The following ZFAT variants were observed in gnomAD, a reference collection of about 807,000 sequenced individuals.
ZFAT encodes the protein zinc finger and AT-hook domain containing, also known as zinc finger protein ZFAT.
In ZFAT, 64 loss-of-function variants were observed where a neutral mutation model predicts 117.7. The observed-to-expected ratio is 0.54, with a 90% CI of 0.44 to 0.67. ZFAT has a LOEUF of 0.67. Among genes scored for constraint, ZFAT ranks in the 30% least tolerant of loss-of-function variants. The pLI is 0.00. For missense variants in ZFAT, 1,433 were observed against 1,584.5 expected (o/e 0.90, Z 1.62); for synonymous variants, 679 against 615.0 (o/e 1.10, Z -1.54).
upstream of ZFAT, among the ~76,000 whole-genome samples, chr8:134,716,159 A>ATG (rs765103268): frequency 7.1e-6 from 1 of 140,182 alleles, no homozygotes; most frequent in Non-Finnish European, 1.6e-5. Context: ...ATATATATAT[A>ATG]TGTATATATG....
chr8:134,807,111 T>C, the ZFAT span, among the ~76,000 whole-genome samples: 8 of 152,256 alleles, frequency 5.3e-5, no homozygotes, highest in African/African-American at 1.7e-4. Flanking sequence ...ATTACTGAGC[T>C]ACTGACTGGA....
chr8:134,507,007 A>AT (rs2130334647), intron 15 of ZFAT, among the ~76,000 whole-genome samples: 1 of 152,322 alleles, frequency 6.6e-6, no homozygotes, highest in South Asian at 2.1e-4. Context: ...ATTTCATAAC[A>AT]TTTTTTAAGC....
chr8:134,678,717 CA>C (rs1832923638), intron 1 of ZFAT, among the ~76,000 whole-genome samples: 1 of 152,176 alleles, frequency 6.6e-6, no homozygotes, highest in Non-Finnish European at 1.5e-5. Flanking sequence ...ACCAAAACAG[CA>C]TGTTACTGGT....
At chr8:134,638,887 T>A (rs1237030247) in intron 2 of ZFAT, among the ~76,000 whole-genome samples, 1 of 152,132 alleles carries the variant, frequency 6.6e-6, no homozygotes, top group Non-Finnish European at 1.5e-5. Flanking sequence ...ACATCCCCAA[T>A]GCCAGTCATC....
chr8:134,788,349 A>G, the ZFAT span, among the ~76,000 whole-genome samples: 1 of 152,078 alleles, frequency 6.6e-6, no homozygotes, highest in Non-Finnish European at 1.5e-5. Flanking sequence ...ATATTTTTAA[A>G]TTTGTTTTAT....
At chr8:134,610,785 CG>C (rs1828276382) in intron 3 of ZFAT, 130 bp from the exon 4 acceptor site, 1 of 1,015,000 alleles carries the variant, frequency 9.9e-7, no homozygotes, top group Non-Finnish European at 1.4e-6. Flanking sequence ...ACGCAGACCA[CG>C]GAATCACTGT....
chr8:134,767,961 A>G, the ZFAT span, among the ~76,000 whole-genome samples: 6 of 152,194 alleles, frequency 3.9e-5, no homozygotes, highest in African/African-American at 1.4e-4. Flanking sequence ...AGTTAAACAT[A>G]TAACAGATCT....
At chr8:134,667,893 C>A (rs1336167323) in intron 1 of ZFAT, among the ~76,000 whole-genome samples, 1 of 152,152 alleles carries the variant, frequency 6.6e-6, no homozygotes. Flanking sequence ...CCTGGAAAAT[C>A]GGGTCACTCC....
Position 134,602,260 on chromosome 8 carries a change from C to A in ZFAT, c.1459G>T (p.Ala487Ser), listed in dbSNP as rs777907994. 2 of 1,613,832 alleles carry A rather than the reference C, an allele frequency of 1.2e-6. No homozygotes were observed. Among genetic ancestry groups the A allele is most frequent in the Non-Finnish European group, 8.5e-7 (1 of 1,180,042 alleles). The change falls in exon 6 of 16, where the codon GCC becomes TCC. Residue 487 changes from alanine (A) to serine (S), a missense_variant. By Grantham distance (99) the Ala-to-Ser change is moderately conservative. Transcript: ENST00000377838. Reference sequence around the variant, plus strand: ...TTGATGGAACTGGTGAAGACCAAGGCCTCCTGGGCAGCCCCGTGCACCTCT... The same window carrying A: ...TTGATGGAACTGGTGAAGACCAAGGACTCCTGGGCAGCCCCGTGCACCTCT... ...IKEVHGAAQE[A>S]LVFTSSINQS...
intron 1 of ZFAT, among the ~76,000 whole-genome samples, chr8:134,671,059 G>A (rs1832537201): frequency 6.6e-6 from 1 of 152,150 alleles, no homozygotes; most frequent in Admixed American, 6.5e-5. Context: ...CCAGGAAGAA[G>A]TTCAATCTCT....
the ZFAT span, among the ~76,000 whole-genome samples, chr8:134,726,337 G>A: frequency 1.3e-5 from 2 of 152,256 alleles, no homozygotes; most frequent in South Asian, 2.1e-4. Flanking sequence ...TGATTTTTCC[G>A]TCGGGCAAGC....
the ZFAT span, among the ~76,000 whole-genome samples, chr8:134,830,555 G>C: frequency 6.6e-6 from 1 of 152,236 alleles, no homozygotes; most frequent in African/African-American, 2.4e-5. Flanking sequence ...AGGAGCAAGT[G>C]AGTATATGCC....
intron 15 of ZFAT, among the ~76,000 whole-genome samples, chr8:134,491,508 G>A (rs1037173362): frequency 1.3e-5 from 2 of 152,204 alleles, no homozygotes; most frequent in African/African-American, 2.4e-5. Flanking sequence ...AGTTTGAAAT[G>A]GGTCTCACTG....
intron 13 of ZFAT, among the ~76,000 whole-genome samples, chr8:134,514,958 T>C (rs960855248): frequency 6.6e-6 from 1 of 152,104 alleles, no homozygotes; most frequent in Non-Finnish European, 1.5e-5. Context: ...ATCCCTCCCC[T>C]AGCCCTCCAC....
At chr8:134,757,837 T>C in the ZFAT span, among the ~76,000 whole-genome samples, 1 of 152,180 alleles carries the variant, frequency 6.6e-6, no homozygotes, top group East Asian at 1.9e-4. Context: ...AGTACAGTCA[T>C]GGTCCCGAGG....
At chr8:134,648,714 G>C (rs1266133392) in intron 2 of ZFAT, among the ~76,000 whole-genome samples, 1 of 151,942 alleles carries the variant, frequency 6.6e-6, no homozygotes, top group Non-Finnish European at 1.5e-5. Flanking sequence ...AATGTTTAAA[G>C]AAGAATTAAC....
chr8:134,595,264 A>C (rs1419604104), intron 7 of ZFAT, among the ~76,000 whole-genome samples: 1 of 152,142 alleles, frequency 6.6e-6, no homozygotes, highest in African/African-American at 2.4e-5. Flanking sequence ...GACAAGTTCT[A>C]TTTTATTTTA....
chr8:134,610,437 C>A, intron 4 of ZFAT, 33 bp downstream of exon 4: 4 of 1,598,350 alleles, frequency 2.5e-6, no homozygotes, highest in African/African-American at 1.3e-5. Context: ...TGCCAAGGGT[C>A]TTGCCTTTTC....
intron 1 of ZFAT, among the ~76,000 whole-genome samples, chr8:134,699,703 T>G (rs1833960071): frequency 2.0e-5 from 3 of 152,216 alleles, no homozygotes; most frequent in Non-Finnish European, 4.4e-5. Context: ...TATTTGTCTG[T>G]AAATCAAAGA....
Sources: allele counts gnomAD v4.1 joint callset (sites outside exome capture counted in the v4.1 genomes callset), GRCh38; gene constraint gnomAD v4.1.1; transcripts MANE v1.5; gene names NCBI Gene and HGNC (gene_info 2026-07-23, HGNC 2026-07-21).